ADK: variants seen among roughly 807,000 people sequenced by gnomAD.
ADK encodes the protein N6,N6-dimethyladenosine kinase.
ADK carries 24 observed loss-of-function variants against 44.7 expected under a neutral mutation model. The observed-to-expected ratio is 0.54, with a 90% CI of 0.39 to 0.76. The LOEUF is 0.76. Ranked by LOEUF, ADK falls within the 30% of genes least tolerant of loss-of-function variation. The probability of loss-of-function intolerance (pLI) is 0.00; values close to 1 mark genes in which losing one functional copy is unlikely to be tolerated. For synonymous variants in ADK, 128 were observed against 142.6 expected (o/e 0.90, Z 0.73); for missense variants, 321 against 425.1 (o/e 0.76, Z 2.15).
intron 6 of ADK, among the ~76,000 whole-genome samples, chr10:74,473,166 A>G (rs1183907330): frequency 2.9e-5 from 4 of 139,488 alleles, no homozygotes; most frequent in East Asian, 4.0e-4. Flanking sequence ...AAATATATAT[A>G]TATACACACA....
At chr10:74,671,743 T>C (rs990714053) in intron 10 of ADK, among the ~76,000 whole-genome samples, 2 of 152,210 alleles carry the variant, frequency 1.3e-5, no homozygotes, top group Non-Finnish European at 2.9e-5. Flanking sequence ...TTTAAACTTA[T>C]ACACTGTATG....
intron 1 of ADK, among the ~76,000 whole-genome samples, chr10:74,164,172 G>C (rs1841974814): frequency 6.6e-6 from 1 of 152,148 alleles, no homozygotes; most frequent in African/African-American, 2.4e-5. Flanking sequence ...TGATTGTTTA[G>C]GTTTGAGATA....
At chr10:74,547,546 A>G (rs1342339732) in intron 7 of ADK, among the ~76,000 whole-genome samples, 1 of 148,558 alleles carries the variant, frequency 6.7e-6, no homozygotes, top group African/African-American at 2.5e-5. Context: ...CAGTGGTGCA[A>G]TCTCGGCTCA....
At chr10:74,509,834 A>C (rs964238872) in intron 6 of ADK, among the ~76,000 whole-genome samples, 2 of 152,070 alleles carry the variant, frequency 1.3e-5, no homozygotes, top group Non-Finnish European at 2.9e-5. Context: ...AAAACATACC[A>C]TGTTTAACTT....
rs1302552903 is a variant in ADK at position 74,482,328 on chromosome 10, T to C, written c.556-42928T>C. On this transcript the variant is annotated intron_variant, in intron 6 of 10. Transcript: ENST00000539909. Reference sequence around the variant, plus strand: ...CACACTGTTAAACAACTATAGCTCATTGAAAACTCATGCACTATCACAAGA... The same window carrying C: ...CACACTGTTAAACAACTATAGCTCACTGAAAACTCATGCACTATCACAAGA... Among the ~76,000 whole-genome samples the C allele has an allele frequency of 2.0e-5, 3 of 152,112 alleles. No homozygotes were observed. The East Asian group carries it at 5.8e-4, about 29-fold the overall frequency.
intron 9 of ADK, among the ~76,000 whole-genome samples, chr10:74,638,260 C>G (rs1471792283): frequency 6.6e-6 from 1 of 152,082 alleles, no homozygotes; most frequent in Non-Finnish European, 1.5e-5. Flanking sequence ...GGGTTTTAAG[C>G]AGGTTTTATA....
chr10:74,263,390 C>T (rs1846110071), intron 3 of ADK, among the ~76,000 whole-genome samples: 1 of 152,152 alleles, frequency 6.6e-6, no homozygotes, highest in South Asian at 2.1e-4. Flanking sequence ...ACAGGAACCT[C>T]TCAAACTTGC....
At chr10:74,326,471 C>G (rs1316414969) in intron 4 of ADK, among the ~76,000 whole-genome samples, 1 of 151,146 alleles carries the variant, frequency 6.6e-6, no homozygotes, top group Non-Finnish European at 1.5e-5. Flanking sequence ...TGGTGGTACA[C>G]ACCTGTAGTC....
At position 74,387,264 on chromosome 10, in the gene ADK, A is replaced by G. The variant is rs1843177577; in HGVS notation, c.274-6877A>G. 3.3e-5 allele frequency among the ~76,000 whole-genome samples: 5 copies of G among 152,250 alleles called. 1 individual carries two copies. The South Asian group carries it at 8.3e-4, about 25-fold the overall frequency. Reference sequence around the variant, plus strand: ...ATTTCAGTTTTAACATTAGATTACTACATTCCTTTTGGTGGCATTATACTG... The same window carrying G: ...ATTTCAGTTTTAACATTAGATTACTGCATTCCTTTTGGTGGCATTATACTG... On this transcript the variant is annotated intron_variant, in intron 4 of 10. Coordinates refer to ENST00000539909, the MANE Select transcript of ADK (RefSeq NM_006721.4).
chr10:74,447,075 A>G (rs754442894), intron 6 of ADK, among the ~76,000 whole-genome samples: 18 of 152,112 alleles, frequency 1.2e-4, no homozygotes, highest in Non-Finnish European at 2.6e-4. Context: ...CTTTTCCTCT[A>G]CCCTCTTATG....
chr10:74,242,308 G>A (rs77893304), intron 3 of ADK, among the ~76,000 whole-genome samples: 4,851 of 152,218 alleles, frequency 0.032, 273 homozygotes, highest in African/African-American at 0.11. Context: ...AGTTTGGGGA[G>A]AAAAAAACAA....
chr10:74,676,056 A>C (rs909173728), intron 10 of ADK, among the ~76,000 whole-genome samples: 14 of 151,736 alleles, frequency 9.2e-5, no homozygotes, highest in African/African-American at 2.2e-4. Context: ...AAAAAAAAAA[A>C]AAACACCTTC....
intron 6 of ADK, among the ~76,000 whole-genome samples, chr10:74,447,787 A>G (rs1845636231): frequency 6.6e-6 from 1 of 152,246 alleles, no homozygotes; most frequent in Non-Finnish European, 1.5e-5. Flanking sequence ...AAGTGGTCTG[A>G]CACATAGTAA....
At chr10:74,589,431 A>C in intron 8 of ADK, 114 bp downstream of exon 8, 1 of 1,117,486 alleles carries the variant, frequency 8.9e-7, no homozygotes, top group South Asian at 1.3e-5. Context: ...GCCTCGCAGC[A>C]GTTGCCATGG....
At chr10:74,272,857 C>T (rs752030980) in intron 3 of ADK, among the ~76,000 whole-genome samples, 10 of 152,110 alleles carry the variant, frequency 6.6e-5, no homozygotes, top group Non-Finnish European at 1.2e-4. Flanking sequence ...CCTTCTACCC[C>T]TGTTCAACTT....
intron 3 of ADK, among the ~76,000 whole-genome samples, chr10:74,293,313 CACAAATT>C (rs971168415): frequency 3.3e-5 from 5 of 151,568 alleles, no homozygotes; most frequent in Admixed American, 3.3e-4. Context: ...TTAAAAAAGC[CACAAATT>C]ACAAATTATG....
At chr10:74,311,836 G>A (rs1008100918) in intron 3 of ADK, among the ~76,000 whole-genome samples, 3 of 152,112 alleles carry the variant, frequency 2.0e-5, no homozygotes, top group Non-Finnish European at 4.4e-5. Flanking sequence ...ACTTTTCCCA[G>A]CATAGATATA....
intron 4 of ADK, among the ~76,000 whole-genome samples, chr10:74,360,476 A>C (rs1042486483): frequency 6.6e-6 from 1 of 152,176 alleles, no homozygotes; most frequent in African/African-American, 2.4e-5. Flanking sequence ...CATTGCCGAA[A>C]GTAGGAAATT....
intron 9 of ADK, among the ~76,000 whole-genome samples, chr10:74,629,200 T>C (rs1009817750): frequency 6.6e-6 from 1 of 152,164 alleles, no homozygotes; most frequent in Non-Finnish European, 1.5e-5. Flanking sequence ...GGCTAATTTT[T>C]TTCTATTCTT....
Sources: gnomAD v4.1 joint callset for allele counts (sites outside exome capture counted in the v4.1 genomes callset) on GRCh38, gnomAD v4.1.1 for gene constraint, MANE v1.5 for transcripts, NCBI Gene and HGNC (gene_info 2026-07-23, HGNC 2026-07-21) for gene names.